TNS1: variants seen among roughly 807,000 people sequenced by gnomAD.
TNS1 encodes the protein tensin 1.
Under a neutral mutation model 168.6 loss-of-function variants are expected in TNS1, and 62 were observed. The observed-to-expected ratio is 0.37, with a 90% CI of 0.30 to 0.45. TNS1 has a LOEUF of 0.45. Ranked by LOEUF, TNS1 falls within the 20% of genes least tolerant of loss-of-function variation. TNS1 has a pLI of 1.00. For synonymous variants in TNS1, 934 were observed against 933.2 expected (o/e 1.00, Z -0.02); for missense variants, 2,240 against 2,339.4 (o/e 0.96, Z 0.88).
intron 3 of TNS1, among the ~76,000 whole-genome samples, chr2:217,949,991 G>A (rs1229145896): frequency 2.6e-5 from 4 of 152,124 alleles, no homozygotes; most frequent in Non-Finnish European, 5.9e-5. Flanking sequence ...CCCCCAAAAG[G>A]CACAGGCACT....
intron 3 of TNS1, among the ~76,000 whole-genome samples, chr2:217,956,172 G>T (rs10932735): frequency 1.3e-5 from 2 of 151,898 alleles, no homozygotes; most frequent in East Asian, 1.9e-4. Context: ...TGGTTAAAAA[G>T]AATTTTTTTT....
intron 4 of TNS1, among the ~76,000 whole-genome samples, chr2:217,919,433 G>A (rs1015055577): frequency 6.6e-6 from 1 of 152,240 alleles, no homozygotes; most frequent in Non-Finnish European, 1.5e-5. Flanking sequence ...CCACACACCT[G>A]TACACAGGCA....
chr2:217,987,647 T>A (rs780472966), intron 2 of TNS1, among the ~76,000 whole-genome samples: 1 of 152,158 alleles, frequency 6.6e-6, no homozygotes, highest in Non-Finnish European at 1.5e-5. Flanking sequence ...GCAAGTCCCA[T>A]GGAGACTGGG....
intron 18 of TNS1, among the ~76,000 whole-genome samples, chr2:217,863,301 C>A (rs112832281): frequency 1.3e-5 from 2 of 152,054 alleles, no homozygotes; most frequent in African/African-American, 2.4e-5. Flanking sequence ...AGGAGCACCC[C>A]CAGGTAGCCA....
chr2:217,893,997 G>A (rs534411738), intron 9 of TNS1, among the ~76,000 whole-genome samples: 3 of 152,320 alleles, frequency 2.0e-5, no homozygotes, highest in African/African-American at 7.2e-5. Context: ...CCTGGCTCAG[G>A]CTGCGAGAGG....
At chr2:218,029,223 C>G (rs567950322) in intron 1 of TNS1, among the ~76,000 whole-genome samples, 1 of 152,032 alleles carries the variant, frequency 6.6e-6, no homozygotes, top group African/African-American at 2.4e-5. Flanking sequence ...GGCACAAGGC[C>G]GGGGGGCAAG....
At chr2:218,000,930 T>C (rs193183726) in intron 1 of TNS1, among the ~76,000 whole-genome samples, 131 of 152,236 alleles carry the variant, frequency 8.6e-4, no homozygotes, top group African/African-American at 2.9e-3. Context: ...GACGGGAGGA[T>C]CACTTGAGGT....
chr2:217,858,746 G>C (rs1002358661), intron 18 of TNS1: 4 of 157,950 alleles, frequency 2.5e-5, no homozygotes, highest in African/African-American at 7.6e-5. Context: ...TCTCTCCCCA[G>C]CTCAGCTTGC....
chr2:217,954,351 G>T (rs556413951), intron 3 of TNS1, among the ~76,000 whole-genome samples: 2 of 152,202 alleles, frequency 1.3e-5, no homozygotes, highest in East Asian at 3.9e-4. Flanking sequence ...CTGCCAAGGC[G>T]AGATGCAGCG....
intron 1 of TNS1, among the ~76,000 whole-genome samples, chr2:218,015,852 C>G (rs1020315524): frequency 6.6e-6 from 1 of 152,170 alleles, no homozygotes; most frequent in Non-Finnish European, 1.5e-5. Context: ...GGCCTGGGGT[C>G]GTCTTGATTA....
chr2:217,893,317 G>A lies in TNS1; in HGVS notation c.717+122C>T, dbSNP rs543017100. On this transcript the variant is annotated intron_variant, in intron 10 of 32. Coordinates refer to ENST00000682258, the MANE Select transcript of TNS1 (RefSeq NM_001387777.1). ...AAAATACACACAGACTTATATGCTC[G>A]CAAAATCCAAAGATATAGGCAGGTA... 1.5e-3 allele frequency: 2,198 copies of A among 1,426,906 alleles called. 1 individual carries two copies. The highest frequency in any genetic ancestry group is 1.8e-3 in the Non-Finnish European group (1,997 of 1,090,232). The allele number at this position is 1,426,906 out of a possible 1,614,324, so 88.4% of individuals were successfully genotyped here. A position where few individuals can be genotyped will look rare whatever the true frequency, so the allele number is the denominator to read the frequency against.
At chr2:217,810,781 T>A (rs1459999964) in intron 28 of TNS1, among the ~76,000 whole-genome samples, 33 of 152,248 alleles carry the variant, frequency 2.2e-4, no homozygotes, top group Admixed American at 2.2e-3. Context: ...TAACTCTAAT[T>A]TCAATATTAA....
At chr2:218,031,135 T>A (rs141077992) in intron 1 of TNS1, among the ~76,000 whole-genome samples, 8 of 139,896 alleles carry the variant, frequency 5.7e-5, no homozygotes, top group South Asian at 2.4e-4. Context: ...TCTGTGTGTG[T>A]GTGTGTATGT....
chr2:217,835,875 A>C, intron 20 of TNS1, 140 bp downstream of exon 20: 1 of 676,698 alleles, frequency 1.5e-6, no homozygotes, highest in Non-Finnish European at 2.5e-6. Context: ...ATGTCAGAGA[A>C]GAGAGTTTGG....
Position 217,813,645 on chromosome 2 carries a change from C to T in TNS1, c.4861+40G>A. On this transcript the variant is annotated intron_variant, in intron 26 of 32. Transcript: ENST00000682258. This position sits in a 1 kb window ranked among gnomAD's most constrained non-coding sequence, Gnocchi z 4.0. ...ACCTCCAGGTTTAGCGACTGTAAAG[C>T]TCACCTGGTCCTGAGCCCCATTCTG... 1 of 1,570,370 alleles carries T rather than the reference C, an allele frequency of 6.4e-7. No individual in the cohort carries two copies. Among genetic ancestry groups the T allele is most frequent in the Middle Eastern group, 1.7e-4 (1 of 5,792 alleles).
intron 4 of TNS1, among the ~76,000 whole-genome samples, chr2:217,908,518 G>A (rs1324173743): frequency 6.6e-6 from 1 of 152,186 alleles, no homozygotes; most frequent in Non-Finnish European, 1.5e-5. Flanking sequence ...CCATCCCTGA[G>A]AGCTGAGGGA....
chr2:217,838,121 A>C (rs1945418572), intron 19 of TNS1, among the ~76,000 whole-genome samples: 1 of 152,218 alleles, frequency 6.6e-6, no homozygotes, highest in Non-Finnish European at 1.5e-5. Flanking sequence ...AAATAAATGC[A>C]TTAGGGCTGG....
Position 217,885,172 on chromosome 2 carries a change from G to A in TNS1, c.1117-8C>T, listed in dbSNP as rs770004141. 1.2e-6 allele frequency: 2 copies of A among 1,614,160 alleles called. No individual in the cohort carries two copies. The highest frequency in any genetic ancestry group is 1.1e-5 in the South Asian group (1 of 91,078). ...CTTGTGGTAGCACTTCAGCTGGGTG[G>A]GAAGACGGGCAGAACCAGTCAGGGG... On this transcript the variant is annotated splice_region_variant and splice_polypyrimidine_tract_variant and intron_variant, in intron 15 of 32. Transcript: ENST00000682258.
chr2:217,889,905 A>G (rs576071297), intron 12 of TNS1, among the ~76,000 whole-genome samples: 1 of 152,098 alleles, frequency 6.6e-6, no homozygotes, highest in East Asian at 1.9e-4. Flanking sequence ...GCCTCCCCCA[A>G]AGACCTCCTG....
Sources: allele counts gnomAD v4.1 joint callset (sites outside exome capture counted in the v4.1 genomes callset), GRCh38; gene constraint gnomAD v4.1.1; non-coding constraint Gnocchi (gnomAD v3.1); transcripts MANE v1.5; gene names NCBI Gene and HGNC (gene_info 2026-07-23, HGNC 2026-07-21).